CPSF2: variants seen among roughly 807,000 people sequenced by gnomAD.
The protein encoded by CPSF2 is cleavage and polyadenylation specific factor 2.
A neutral mutation model predicts 84.2 loss-of-function variants in CPSF2; 51 were observed. The ratio of observed to expected loss-of-function variants is 0.61; its 90% CI spans 0.48 to 0.77. The LOEUF is 0.77. CPSF2 is among the 30% of genes least tolerant of loss of function. The probability of loss-of-function intolerance (pLI) is 0.00; values close to 1 mark genes in which losing one functional copy is unlikely to be tolerated. For missense variants in CPSF2, 641 were observed against 929.4 expected (o/e 0.69, Z 4.03); for synonymous variants, 286 against 311.9 (o/e 0.92, Z 0.87).
rs1273358278 is a variant in CPSF2, at chr14:92,168,701, A to C, written c.*6957A>C. On this transcript the variant is annotated 3_prime_UTR_variant, in exon 16 of 16. Coordinates refer to ENST00000298875, the MANE Select transcript of CPSF2 (RefSeq NM_017437.3). ...CATACTGCTTGAACTCAGGAGTTCA[A>C]GACCAGCCTGGGGAACATGGTAAAA... 1 of 152,148 alleles carries C rather than the reference A, an allele frequency of 6.6e-6. No homozygotes were observed. The highest frequency in any genetic ancestry group is 1.5e-5 in the Non-Finnish European group (1 of 68,042). 9.4% of individuals were successfully genotyped at this position (152,148 alleles called of 1,614,324 possible).
chr14:92,125,841 G>A (rs1177428217), intron 1 of CPSF2, among the ~76,000 whole-genome samples: 1 of 151,824 alleles, frequency 6.6e-6, no homozygotes, highest in African/African-American at 2.4e-5. Context: ...CCAATCCTTA[G>A]TGAGTAATCT....
In CPSF2 at chr14:92,156,500, A is replaced by G; in HGVS notation, c.1464A>G (p.Pro488=). Residue 488 remains proline, a synonymous_variant, in exon 12 of 16, where the codon CCA becomes CCG. Coordinates refer to ENST00000298875, the MANE Select transcript of CPSF2 (RefSeq NM_017437.3). Reference sequence around the variant, plus strand: ...TTAGACCAGAGGATTTCTTAGTGCCAGAGCTTCAAGCTACTGAAGAAGAAA... The same window carrying G: ...TTAGACCAGAGGATTTCTTAGTGCCGGAGCTTCAAGCTACTGAAGAAGAAA... ...EIIKPEDFLV[P]ELQATEEEKS... is the part of the protein sequence containing the mutation. 6.2e-7 allele frequency: 1 copy of G among 1,611,722 alleles called. No individual in the cohort carries two copies. The highest frequency in any genetic ancestry group is 8.5e-7 in the Non-Finnish European group (1 of 1,179,400).
intron 9 of CPSF2, among the ~76,000 whole-genome samples, chr14:92,150,309 A>T (rs1166204667): frequency 1.3e-5 from 2 of 150,414 alleles, no homozygotes; most frequent in African/African-American, 2.4e-5. Flanking sequence ...TTTAGTAGAG[A>T]TGGGGTTTCA....
At chr14:92,143,854 T>A (rs2141467363) in intron 9 of CPSF2, among the ~76,000 whole-genome samples, 1 of 152,278 alleles carries the variant, frequency 6.6e-6, no homozygotes, top group African/African-American at 2.4e-5. Context: ...ATTCTTAAAC[T>A]TTTCCGTGGT....
chr14:92,123,253 C>G (rs937821050), intron 1 of CPSF2, among the ~76,000 whole-genome samples: 3 of 152,006 alleles, frequency 2.0e-5, no homozygotes, highest in African/African-American at 7.3e-5. Context: ...CTCAGACTCC[C>G]GAGTAGCTGG....
At chr14:92,136,112 T>C (rs541521401) in intron 6 of CPSF2, among the ~76,000 whole-genome samples, 2 of 152,358 alleles carry the variant, frequency 1.3e-5, no homozygotes, top group East Asian at 3.9e-4. Context: ...CTAGTTATGA[T>C]TTTACACACT....
At chr14:92,131,853 T>A (rs974850140) in intron 3 of CPSF2, among the ~76,000 whole-genome samples, 6 of 151,514 alleles carry the variant, frequency 4.0e-5, no homozygotes, top group Admixed American at 1.3e-4. Context: ...AAAAATAAGA[T>A]AAAATAAAAA....
rs1027782369 is a variant in CPSF2 at position 92,131,217 on chromosome 14, C to G, written c.149+84C>G. ...TAATACCATTTCGATGTGATAAATA[C>G]TGCCTTTTTACACTAGTTTATAGCA... On this transcript the variant is annotated intron_variant, in intron 3 of 15. Transcript: ENST00000298875. The G allele has an allele frequency of 5.1e-5, 58 of 1,126,372 alleles. 2 individuals carry two copies. In the East Asian group the frequency reaches 1.5e-3, roughly 29 times the overall value. The allele number at this position is 1,126,372 out of a possible 1,614,324, so 69.8% of individuals were successfully genotyped here.
rs34354391 is a variant in CPSF2 at position 92,139,950 on chromosome 14, A to ATTT, written c.661+1623_661+1625dup. Reference sequence around the variant, plus strand: ...GTTCATCTACTTTAAAAGTACAACTATTTTTTTTTTTTTTTTTTTTTTGAG... The same window carrying ATTT: ...GTTCATCTACTTTAAAAGTACAACTATTTTTTTTTTTTTTTTTTTTTTTTTGAG... On this transcript the variant is annotated intron_variant, in intron 7 of 15. Coordinates refer to ENST00000298875, the MANE Select transcript of CPSF2 (RefSeq NM_017437.3). Among the ~76,000 whole-genome samples the ATTT allele has an allele frequency of 9.1e-3, 891 of 97,542 alleles. 40 individuals carry two copies. Among genetic ancestry groups the ATTT allele is most frequent in the Middle Eastern group, 0.034 (4 of 118 alleles). The allele number at this position is 97,542 out of a possible 152,430, so 64.0% of individuals were successfully genotyped here. A position where few individuals can be genotyped will look rare whatever the true frequency, so the allele number is the denominator to read the frequency against.
At chr14:92,152,401 TTACAGGTG>T (rs1475335885) in intron 9 of CPSF2, among the ~76,000 whole-genome samples, 1 of 152,046 alleles carries the variant, frequency 6.6e-6, no homozygotes, top group Admixed American at 6.5e-5. Flanking sequence ...AGTGCTGGGA[TTACAGGTG>T]TGAGCCGTCG....
chr14:92,124,183 T>C (rs1240800428), intron 1 of CPSF2, among the ~76,000 whole-genome samples: 4 of 152,244 alleles, frequency 2.6e-5, no homozygotes, highest in African/African-American at 9.6e-5. Flanking sequence ...GATCAGCTTG[T>C]GAAGGATCTT....
At chr14:92,148,120 A>G (rs2069166244) in intron 9 of CPSF2, among the ~76,000 whole-genome samples, 1 of 152,004 alleles carries the variant, frequency 6.6e-6, no homozygotes, top group Non-Finnish European at 1.5e-5. Flanking sequence ...CCCTTACCCC[A>G]CTGGGCAGCC....
chr14:92,139,034 A>G (rs1036535535), intron 7 of CPSF2, among the ~76,000 whole-genome samples: 3 of 152,184 alleles, frequency 2.0e-5, no homozygotes, highest in African/African-American at 7.2e-5. Context: ...TCTTTTTGCC[A>G]GTCAGTACAT....
At position 92,157,513 on chromosome 14, in the gene CPSF2, A is replaced by G. The variant is rs2069305444; in HGVS notation, c.1596-146A>G. The G allele has an allele frequency of 1.5e-6, 1 of 647,388 alleles. No individual in the cohort carries two copies. Among genetic ancestry groups the G allele is most frequent in the Non-Finnish European group, 2.6e-6 (1 of 378,912 alleles). 40.1% of individuals were successfully genotyped at this position (647,388 alleles called of 1,614,324 possible). Reference sequence around the variant, plus strand: ...AAGAGCGAGACCCAATCTCAGAAAAATAAAAACAAAAATAAAATAAATCAT... The same window carrying G: ...AAGAGCGAGACCCAATCTCAGAAAAGTAAAAACAAAAATAAAATAAATCAT... On this transcript the variant is annotated intron_variant, in intron 12 of 15. Transcript: ENST00000298875. The surrounding 1 kb of genome is among the most constrained non-coding windows in gnomAD (Gnocchi z 4.0).
At position 92,142,361 on chromosome 14, in the gene CPSF2, C is replaced by T. The variant is rs757529251; in HGVS notation, c.849+10C>T. ...GTTTTCTAAGTCCCAGGTTTGTTCT[C>T]ATGTTGTCACTTGTAATAAGTTTGC... On this transcript the variant is annotated intron_variant, in intron 8 of 15. Coordinates refer to ENST00000298875, the MANE Select transcript of CPSF2 (RefSeq NM_017437.3). 17 of 1,595,336 alleles carry T rather than the reference C, an allele frequency of 1.1e-5. No individual in the cohort carries two copies. The East Asian group carries it at 3.4e-4, about 32-fold the overall frequency.
At position 92,163,408 on chromosome 14, in the gene CPSF2, T is replaced by C. The variant is rs1261824388; in HGVS notation, c.*1664T>C. On this transcript the variant is annotated 3_prime_UTR_variant, in exon 16 of 16. Coordinates refer to ENST00000298875, the MANE Select transcript of CPSF2 (RefSeq NM_017437.3). ...ACAAAAGGCAAATATAAAGAGTATG[T>C]TTTCTTTTTAGTGCTTTGGAAAAAT... 6.6e-6 allele frequency: 1 copy of C among 152,618 alleles called. No homozygotes were observed. Among genetic ancestry groups the C allele is most frequent in the African/African-American group, 2.4e-5 (1 of 41,420 alleles). The allele number at this position is 152,618 out of a possible 1,614,324, so 9.5% of individuals were successfully genotyped here. A position where few individuals can be genotyped will look rare whatever the true frequency, so the allele number is the denominator to read the frequency against.
intron 8 of CPSF2, among the ~76,000 whole-genome samples, 165 bp from the exon 9 acceptor site, chr14:92,142,839 A>G (rs1485390528): frequency 6.6e-6 from 1 of 152,232 alleles, no homozygotes; most frequent in Admixed American, 6.5e-5. Flanking sequence ...GGGTGGGATA[A>G]TCTAATGGGA....
At position 92,163,594 on chromosome 14, in the gene CPSF2, T is replaced by G. The variant is rs2069404391; in HGVS notation, c.*1850T>G. 6.6e-6 allele frequency: 1 copy of G among 152,636 alleles called. No homozygotes were observed. The highest frequency in any genetic ancestry group is 2.4e-5 in the African/African-American group (1 of 41,448). The allele number at this position is 152,636 out of a possible 1,614,324, so 9.5% of individuals were successfully genotyped here. ...GCTGTGTCCCCACCAAATTGAATTG[T>G]GTTAATAGTTCCCATAATCCCTACG... On this transcript the variant is annotated 3_prime_UTR_variant, in exon 16 of 16. Transcript: ENST00000298875.
At chr14:92,160,995 A>G (rs566384666) in intron 14 of CPSF2, 117 bp from the exon 15 acceptor site, 3 of 951,910 alleles carry the variant, frequency 3.2e-6, no homozygotes, top group Admixed American at 6.0e-5. Flanking sequence ...CTGTCAAAGG[A>G]CTTCAGGGAA....
Sources: allele counts gnomAD v4.1 joint callset (sites outside exome capture counted in the v4.1 genomes callset), GRCh38; gene constraint gnomAD v4.1.1; non-coding constraint Gnocchi (gnomAD v3.1); transcripts MANE v1.5; gene names NCBI Gene and HGNC (gene_info 2026-07-23, HGNC 2026-07-21).